The following CIITA variants were observed in gnomAD, a reference collection of about 807,000 sequenced individuals.
The protein encoded by CIITA is class II major histocompatibility complex transactivator, also known as MHC class II transactivator.
CIITA carries 72 observed loss-of-function variants against 115.1 expected under a neutral mutation model. The ratio of observed to expected loss-of-function variants is 0.63; its 90% CI spans 0.52 to 0.76. CIITA has a LOEUF of 0.76. CIITA is among the 30% of genes least tolerant of loss of function. The pLI, the probability that CIITA is intolerant of heterozygous loss-of-function variation, is 0.00. For missense variants in CIITA, 1,617 were observed against 1,463.8 expected, an observed-to-expected ratio of 1.10 and a Z score of -1.71; for synonymous variants, 763 against 635.6, an observed-to-expected ratio of 1.20 and a Z score of -3.02.
At chr16:10,894,116 T>C (rs942639752) in intron 1 of CIITA, among the ~76,000 whole-genome samples, 1 of 152,182 alleles carries the variant, frequency 6.6e-6, no homozygotes, top group Non-Finnish European at 1.5e-5. Context: ...CCTCCCAAAG[T>C]GCTGGGATTT....
rs1209446011 is a variant in CIITA, at chr16:10,934,887, T to C, written c.*11032T>C. Reference sequence around the variant, plus strand: ...CCAATTATCACCGCCCTTGGGCTACTTCAAAGGCTGCCCACACAGACACAC... The same window carrying C: ...CCAATTATCACCGCCCTTGGGCTACCTCAAAGGCTGCCCACACAGACACAC... On this transcript the variant is annotated 3_prime_UTR_variant, in exon 20 of 20. Coordinates refer to ENST00000324288, the MANE Select transcript of CIITA (RefSeq NM_000246.4). The surrounding 1 kb of genome is among the most constrained non-coding windows in gnomAD (Gnocchi z 4.2). The C allele has an allele frequency of 2.0e-5, 3 of 152,208 alleles. No individual in the cohort carries two copies. The highest frequency in any genetic ancestry group is 6.5e-5 in the Admixed American group (1 of 15,288). The allele number at this position is 152,208 out of a possible 1,614,324, so 9.4% of individuals were successfully genotyped here. A position where few individuals can be genotyped will look rare whatever the true frequency, so the allele number is the denominator to read the frequency against.
upstream of CIITA, among the ~76,000 whole-genome samples, chr16:10,876,566 G>C (rs1345406596): frequency 6.6e-6 from 1 of 152,214 alleles, no homozygotes; most frequent in Non-Finnish European, 1.5e-5. Context: ...GATGGGCAGA[G>C]ACTGGAAAAG....
chr16:10,877,415 G>C, intron 1 of CIITA, 33 bp downstream of exon 1: 1 of 1,601,598 alleles, frequency 6.2e-7, no homozygotes, highest in Non-Finnish European at 8.5e-7. Flanking sequence ...TTAATTTAGC[G>C]TGCAGTCTCA....
intron 1 of CIITA, among the ~76,000 whole-genome samples, chr16:10,866,829 C>G (rs1479900056): frequency 6.6e-6 from 1 of 152,190 alleles, no homozygotes; most frequent in African/African-American, 2.4e-5. Context: ...TGGGTTCACT[C>G]CCTGAGCCCT....
rs1317097297 is a variant in CIITA at position 10,923,315 on chromosome 16, C to T, written c.*12C>T. 1 of 1,600,200 alleles carries T rather than the reference C, an allele frequency of 6.2e-7. No individual in the cohort carries two copies. Among genetic ancestry groups the T allele is most frequent in the Admixed American group, 1.7e-5 (1 of 59,900 alleles). ...TCAGCCTGAGATGATCCCAGCTGTGCTCTGGACAGGGTAACCAGGGTGGGC... is the reference window on the plus strand; with the variant it reads ...TCAGCCTGAGATGATCCCAGCTGTGTTCTGGACAGGGTAACCAGGGTGGGC... On this transcript the variant is annotated 3_prime_UTR_variant, in exon 19 of 20. Transcript: ENST00000324288. This position sits in a 1 kb window ranked among gnomAD's most constrained non-coding sequence, Gnocchi z 5.2.
In CIITA at chr16:10,898,782, C is replaced by T. The variant is rs1400047164; in HGVS notation, c.358+50C>T. On this transcript the variant is annotated intron_variant, in intron 4 of 19. Coordinates refer to ENST00000324288, the MANE Select transcript of CIITA (RefSeq NM_000246.4). ...TCTTGGCTCAGCCTGCATTTCCTGC[C>T]TTGTTCCCTGGGGGGTGCCCTAATA... The T allele has an allele frequency of 5.0e-6, 8 of 1,609,356 alleles. No homozygotes were observed. In the African/African-American group the frequency reaches 8.0e-5, roughly 16 times the overall value.
chr16:10,897,101 C>G (rs1393574858), intron 3 of CIITA, among the ~76,000 whole-genome samples: 1 of 152,204 alleles, frequency 6.6e-6, no homozygotes, highest in Non-Finnish European at 1.5e-5. Flanking sequence ...ATAGGTGAGG[C>G]AGTGCGTTAG....
chr16:10,916,510 G>A (rs1215748082), intron 15 of CIITA, 51 bp downstream of exon 15: 5 of 1,502,096 alleles, frequency 3.3e-6, no homozygotes, highest in Middle Eastern at 1.7e-4. Flanking sequence ...CCAAAGTCCG[G>A]CTGACTTTTT....
chr16:10,900,654 C>T (rs192837575), intron 5 of CIITA, among the ~76,000 whole-genome samples: 7 of 151,942 alleles, frequency 4.6e-5, no homozygotes, highest in East Asian at 1.9e-4. Flanking sequence ...GTGGGAGAAT[C>T]GCTTGAACCT....
At chr16:10,878,450 C>T (rs2036056241) in intron 1 of CIITA, among the ~76,000 whole-genome samples, 1 of 152,188 alleles carries the variant, frequency 6.6e-6, no homozygotes, top group African/African-American at 2.4e-5. Flanking sequence ...CGGCAGGGCT[C>T]TTGCCACGGC....
chr16:10,872,593 C>T (rs1474593918), upstream of CIITA, among the ~76,000 whole-genome samples: 2 of 152,246 alleles, frequency 1.3e-5, no homozygotes, highest in Non-Finnish European at 2.9e-5. Context: ...TATTTCCCTG[C>T]ATTCCTACCA....
chr16:10,909,299 C>G, intron 12 of CIITA, 112 bp downstream of exon 12: 1 of 1,123,652 alleles, frequency 8.9e-7, no homozygotes, highest in South Asian at 1.3e-5. Flanking sequence ...CTCTGGGACA[C>G]CCCATGCCCT....
Position 10,881,991 on chromosome 16 carries a change from A to T in CIITA, c.52+4609A>T, listed in dbSNP as rs2036478227. 4.6e-5 allele frequency among the ~76,000 whole-genome samples: 7 copies of T among 152,316 alleles called. No homozygotes were observed. The South Asian group carries it at 1.4e-3, about 32-fold the overall frequency. On this transcript the variant is annotated intron_variant, in intron 1 of 19. Coordinates refer to ENST00000324288, the MANE Select transcript of CIITA (RefSeq NM_000246.4). Reference sequence around the variant, plus strand: ...CTTCCAGGTTCATCCATGTCGTGCCATGTGTAATTCCTTTCTATGGCGGAA... The same window carrying T: ...CTTCCAGGTTCATCCATGTCGTGCCTTGTGTAATTCCTTTCTATGGCGGAA...
chr16:10,866,252 C>A, upstream of CIITA: 1 of 520,956 alleles, frequency 1.9e-6, no homozygotes, highest in Non-Finnish European at 3.7e-6. Flanking sequence ...AGATTCCAGG[C>A]ACTGGCCAGG....
chr16:10,897,626 T>C lies in CIITA; in HGVS notation c.296-1044T>C, dbSNP rs79865355. 2.5e-3 allele frequency among the ~76,000 whole-genome samples: 377 copies of C among 152,280 alleles called. 1 individual carries two copies. Among genetic ancestry groups the C allele is most frequent in the African/African-American group, 8.2e-3 (342 of 41,546 alleles). ...AGTATTCTTTTGCAGCATCCTGAAA[T>C]ATGACCTTAGCTTCTAAATGTGTAA... On this transcript the variant is annotated intron_variant, in intron 3 of 19. Coordinates refer to ENST00000324288, the MANE Select transcript of CIITA (RefSeq NM_000246.4).
At chr16:10,913,345 C>T (rs78275670) in intron 13 of CIITA, 22,670 of 151,980 alleles carry the variant, frequency 0.15, 1,993 homozygotes, top group Admixed American at 0.27. Context: ...GGTGGAGTCT[C>T]GCTCTGTCAC....
intron 13 of CIITA, among the ~76,000 whole-genome samples, chr16:10,912,570 A>G (rs116743952): frequency 0.018 from 2,680 of 152,322 alleles, 88 homozygotes; most frequent in African/African-American, 0.061. Context: ...CCCACAAGCT[A>G]TCAGCTCTCC....
upstream of CIITA, among the ~76,000 whole-genome samples, chr16:10,874,426 C>A (rs1596401638): frequency 6.6e-6 from 1 of 152,168 alleles, no homozygotes; most frequent in East Asian, 1.9e-4. Flanking sequence ...AGACATCCGG[C>A]CCCCTCCCTC....
intron 1 of CIITA, among the ~76,000 whole-genome samples, chr16:10,889,496 G>A (rs929295576): frequency 1.3e-5 from 2 of 152,006 alleles, no homozygotes; most frequent in African/African-American, 2.4e-5. Flanking sequence ...TGATGATCCT[G>A]CAGGACAATC....
Sources: gnomAD v4.1 joint callset for allele counts (sites outside exome capture counted in the v4.1 genomes callset) on GRCh38, gnomAD v4.1.1 for gene constraint, Gnocchi (gnomAD v3.1) non-coding constraint, MANE v1.5 for transcripts, NCBI Gene and HGNC (gene_info 2026-07-23, HGNC 2026-07-21) for gene names.